The following STXBP4 variants were observed in gnomAD, a reference collection of about 807,000 sequenced individuals.
STXBP4 encodes syntaxin-binding protein 4.
STXBP4 carries 55 observed loss-of-function variants against 76.1 expected under a neutral mutation model. That is an observed-to-expected ratio of 0.72 (90% CI 0.58 to 0.91). The LOEUF (loss-of-function observed/expected upper bound fraction) is 0.91. Among genes scored for constraint, STXBP4 ranks in the 40% least tolerant of loss-of-function variants. The pLI is 0.00. For missense variants in STXBP4, 618 were observed against 636.9 expected (o/e 0.97, Z 0.32); for synonymous variants, 201 against 220.2 (o/e 0.91, Z 0.77).
At chr17:55,116,693 A>G (rs529576722) in intron 16 of STXBP4, among the ~76,000 whole-genome samples, 4 of 151,958 alleles carry the variant, frequency 2.6e-5, no homozygotes, top group Admixed American at 6.6e-5. Flanking sequence ...AACAAATGCA[A>G]TTGCAAAGGA....
chr17:54,992,705 C>CTTTTTTT (rs760386476), intron 4 of STXBP4, among the ~76,000 whole-genome samples: 4 of 96,836 alleles, frequency 4.1e-5, no homozygotes, highest in Admixed American at 1.4e-4. Flanking sequence ...AATTTGCTTC[C>CTTTTTTT]TTTTTTTTTT....
At chr17:55,213,176 C>T in the STXBP4 span, among the ~76,000 whole-genome samples, 340 of 152,200 alleles carry the variant, frequency 2.2e-3, 2 homozygotes, top group Non-Finnish European at 4.2e-3. Context: ...ATCTGTTTTT[C>T]CTGGGACCAG....
chr17:55,027,841 A>G (rs1417689252), intron 8 of STXBP4, among the ~76,000 whole-genome samples: 1 of 152,184 alleles, frequency 6.6e-6, no homozygotes, highest in African/African-American at 2.4e-5. Flanking sequence ...TGTGATATGA[A>G]TCCAACAGTA....
rs772689019 is a variant in STXBP4 at position 55,007,495 on chromosome 17, TTG to T, written c.575-9_575-8del. The T allele has an allele frequency of 6.9e-6, 11 of 1,601,798 alleles. No homozygotes were observed. In the African/African-American group the frequency reaches 1.5e-4, roughly 22 times the overall value. On this transcript the variant is annotated splice_polypyrimidine_tract_variant and intron_variant, in intron 7 of 17. Transcript: ENST00000376352. ...AAGTTCCCAATTAATGTGCACCCTG[TTG>T]TCTCTTAGATGTTGCTTCTGCCTGG...
At chr17:55,096,959 GACAA>G (rs1448623473) in intron 16 of STXBP4, among the ~76,000 whole-genome samples, 5 of 151,928 alleles carry the variant, frequency 3.3e-5, no homozygotes, top group Non-Finnish European at 7.4e-5. Flanking sequence ...CATCTTTAGT[GACAA>G]ACACTGTGCT....
At chr17:55,031,561 A>G (rs573983235) in intron 9 of STXBP4, among the ~76,000 whole-genome samples, 2 of 152,332 alleles carry the variant, frequency 1.3e-5, no homozygotes, top group African/African-American at 4.8e-5. Flanking sequence ...CAAAAGAAAC[A>G]GTACAAAATA....
chr17:55,146,058 C>G (rs751476949), intron 17 of STXBP4, among the ~76,000 whole-genome samples: 1 of 151,994 alleles, frequency 6.6e-6, no homozygotes, highest in Non-Finnish European at 1.5e-5. Flanking sequence ...TGGTATGATT[C>G]CACTTAAAAG....
the STXBP4 span, among the ~76,000 whole-genome samples, chr17:55,186,641 T>C: frequency 6.6e-6 from 1 of 152,160 alleles, no homozygotes; most frequent in Non-Finnish European, 1.5e-5. Flanking sequence ...AGAGAAGAGG[T>C]AATAAAATGA....
At chr17:55,082,129 A>G (rs1430196789) in intron 16 of STXBP4, among the ~76,000 whole-genome samples, 5 of 152,218 alleles carry the variant, frequency 3.3e-5, no homozygotes, top group African/African-American at 1.2e-4. Flanking sequence ...ATAAAATTAT[A>G]TATATTTCAA....
chr17:55,095,010 A>G (rs779289350), intron 16 of STXBP4, among the ~76,000 whole-genome samples: 2 of 152,250 alleles, frequency 1.3e-5, no homozygotes, highest in Non-Finnish European at 2.9e-5. Context: ...GCATTAAGAT[A>G]TGAAGGCACA....
At chr17:55,049,887 G>A (rs1274326173) in intron 12 of STXBP4, among the ~76,000 whole-genome samples, 1 of 151,944 alleles carries the variant, frequency 6.6e-6, no homozygotes, top group Non-Finnish European at 1.5e-5. Flanking sequence ...TAGATAAAAG[G>A]ACCAGGCAAG....
At chr17:55,186,608 G>A in the STXBP4 span, among the ~76,000 whole-genome samples, 2 of 152,162 alleles carry the variant, frequency 1.3e-5, no homozygotes, top group East Asian at 1.9e-4. Flanking sequence ...CTGAGTTGAA[G>A]ATCAAAAATG....
At chr17:55,148,781 G>A (rs756005712) in intron 17 of STXBP4, among the ~76,000 whole-genome samples, 1 of 152,072 alleles carries the variant, frequency 6.6e-6, no homozygotes, top group Non-Finnish European at 1.5e-5. Flanking sequence ...TGATCTGCCC[G>A]CCTCAGCCTC....
At chr17:55,072,249 AAT>A (rs1216414341) in intron 12 of STXBP4, among the ~76,000 whole-genome samples, 2 of 152,158 alleles carry the variant, frequency 1.3e-5, no homozygotes, top group Non-Finnish European at 2.9e-5. Flanking sequence ...GTTTTTTAGT[AAT>A]GTCTTTCTCT....
intron 17 of STXBP4, among the ~76,000 whole-genome samples, chr17:55,148,126 G>T (rs73310448): frequency 0.038 from 5,753 of 152,188 alleles, 394 homozygotes; most frequent in African/African-American, 0.13. Flanking sequence ...GTTCTAATAC[G>T]CATGGTTTCT....
At chr17:55,045,850 G>A (rs999448653) in intron 11 of STXBP4, among the ~76,000 whole-genome samples, 5 of 151,950 alleles carry the variant, frequency 3.3e-5, no homozygotes, top group Admixed American at 2.6e-4. Flanking sequence ...TAAATATTTC[G>A]TTAAAGGTAA....
chr17:55,192,060 T>G, the STXBP4 span, among the ~76,000 whole-genome samples: 1 of 152,174 alleles, frequency 6.6e-6, no homozygotes, highest in Non-Finnish European at 1.5e-5. Context: ...GGCTAGGGAT[T>G]GTGCTATATA....
At chr17:55,032,926 C>CT (rs2078534669) in intron 9 of STXBP4, among the ~76,000 whole-genome samples, 1 of 152,152 alleles carries the variant, frequency 6.6e-6, no homozygotes, top group Non-Finnish European at 1.5e-5. Flanking sequence ...TTCCAACCAA[C>CT]TTTTTTAGTG....
chr17:55,128,202 A>C (rs2079933418), intron 16 of STXBP4, among the ~76,000 whole-genome samples: 1 of 152,246 alleles, frequency 6.6e-6, no homozygotes, highest in Non-Finnish European at 1.5e-5. Flanking sequence ...ACTATGTGTG[A>C]GATACTGTCC....
Sources: gnomAD v4.1 joint callset for allele counts (sites outside exome capture counted in the v4.1 genomes callset) on GRCh38, gnomAD v4.1.1 for gene constraint, MANE v1.5 for transcripts, NCBI Gene and HGNC (gene_info 2026-07-23, HGNC 2026-07-21) for gene names.